CTNNA3: variants seen among roughly 807,000 people sequenced by gnomAD.
The protein encoded by CTNNA3 is catenin alpha-3.
Under a neutral mutation model 95.7 loss-of-function variants are expected in CTNNA3, and 76 were observed. That is an observed-to-expected ratio of 0.79 (90% CI 0.66 to 0.96). The LOEUF is 0.96. Ranked by LOEUF, CTNNA3 falls within the 40% of genes least tolerant of loss-of-function variation. The probability of loss-of-function intolerance (pLI) is 0.00; values close to 1 mark genes in which losing one functional copy is unlikely to be tolerated. For synonymous variants in CTNNA3, 431 were observed against 374.4 expected (o/e 1.15, Z -1.74); for missense variants, 1,191 against 1,089.8 (o/e 1.09, Z -1.31).
At chr10:67,124,517 T>C (rs546069675) in intron 7 of CTNNA3, among the ~76,000 whole-genome samples, 4 of 152,288 alleles carry the variant, frequency 2.6e-5, no homozygotes, top group Admixed American at 6.5e-5. Context: ...TCACTTGTCA[T>C]GGGTGCATAA....
At chr10:65,980,846 G>A (rs982809913) in intron 16 of CTNNA3, among the ~76,000 whole-genome samples, 2 of 151,818 alleles carry the variant, frequency 1.3e-5, no homozygotes, top group Non-Finnish European at 2.9e-5. Flanking sequence ...CATACCTTAA[G>A]GTAATAAAAG....
At chr10:66,270,224 TG>T (rs201185571) in intron 13 of CTNNA3, among the ~76,000 whole-genome samples, 15,959 of 95,664 alleles carry the variant, frequency 0.17, 968 homozygotes, top group Admixed American at 0.23. Context: ...TAACATTTTT[TG>T]GGGGGGGGGG....
At chr10:66,574,841 T>A (rs1353139058) in intron 10 of CTNNA3, among the ~76,000 whole-genome samples, 1 of 152,138 alleles carries the variant, frequency 6.6e-6, no homozygotes, top group Non-Finnish European at 1.5e-5. Context: ...GGATTCTTAG[T>A]CTACATTCCA....
At chr10:66,781,089 C>G (rs576151091) in intron 7 of CTNNA3, among the ~76,000 whole-genome samples, 1 of 136,426 alleles carries the variant, frequency 7.3e-6, no homozygotes, top group South Asian at 2.1e-4. Flanking sequence ...AATTATGAAG[C>G]CTCAAACACT....
intron 5 of CTNNA3, among the ~76,000 whole-genome samples, chr10:67,417,215 C>G (rs1252620191): frequency 6.6e-6 from 1 of 152,050 alleles, no homozygotes; most frequent in Non-Finnish European, 1.5e-5. Flanking sequence ...CCAAATACCA[C>G]GTTTGCACTT....
At chr10:67,472,529 A>G (rs1269477476) in intron 5 of CTNNA3, among the ~76,000 whole-genome samples, 5 of 152,152 alleles carry the variant, frequency 3.3e-5, no homozygotes, top group African/African-American at 1.2e-4. Flanking sequence ...GCCATGACAA[A>G]TGTCATGGCA....
intron 15 of CTNNA3, among the ~76,000 whole-genome samples, chr10:66,055,144 G>A (rs2080051205): frequency 6.6e-6 from 1 of 152,064 alleles, no homozygotes; most frequent in South Asian, 2.1e-4. Context: ...ATAAATTTAA[G>A]TCAGGTAATG....
chr10:67,241,518 A>G (rs952143450), intron 5 of CTNNA3, among the ~76,000 whole-genome samples: 1 of 152,202 alleles, frequency 6.6e-6, no homozygotes, highest in African/African-American at 2.4e-5. Flanking sequence ...TCAAAAATCA[A>G]TAAATATTTT....
chr10:67,090,756 G>A (rs1014734476), intron 7 of CTNNA3, among the ~76,000 whole-genome samples: 5 of 151,952 alleles, frequency 3.3e-5, no homozygotes, highest in Non-Finnish European at 7.4e-5. Context: ...ACTGACAGAC[G>A]CAACAAATGC....
intron 11 of CTNNA3, among the ~76,000 whole-genome samples, chr10:66,451,386 G>A (rs2093463727): frequency 6.6e-6 from 1 of 152,066 alleles, no homozygotes. Context: ...GGGATACAGA[G>A]ATTGAGACAG....
At chr10:67,375,127 A>G in intron 5 of CTNNA3, among the ~76,000 whole-genome samples, 1 of 152,230 alleles carries the variant, frequency 6.6e-6, no homozygotes, top group Non-Finnish European at 1.5e-5. Context: ...TTGTGAGAAG[A>G]GCACAGAGAC....
chr10:67,371,347 T>A (rs1843451668), intron 5 of CTNNA3, among the ~76,000 whole-genome samples: 1 of 151,750 alleles, frequency 6.6e-6, no homozygotes, highest in African/African-American at 2.4e-5. Flanking sequence ...GTCATTTACA[T>A]TAGGTATATC....
chr10:67,566,039 G>GTTTATATATATATATA (rs1437054675), intron 3 of CTNNA3, among the ~76,000 whole-genome samples: 1 of 19,882 alleles, frequency 5.0e-5, no homozygotes, highest in Non-Finnish European at 8.1e-5. Context: ...ACATATGTGT[G>GTTTATATATATATATA]TGTGTATATA....
At position 66,493,599 on chromosome 10, in the gene CTNNA3, A is replaced by ATTTTTTTTTTTTTTTTTTTTTTTT. The variant is rs528761424; in HGVS notation, c.1531+27017_1531+27018insAAAAAAAAAAAAAAAAAAAAAAAA. Among the ~76,000 whole-genome samples the ATTTTTTTTTTTTTTTTTTTTTTTT allele has an allele frequency of 2.7e-5, 3 of 112,020 alleles. 1 individual carries two copies. The highest frequency in any genetic ancestry group is 7.5e-5 in the African/African-American group (2 of 26,630). The allele number at this position is 112,020 out of a possible 152,430, so 73.5% of individuals were successfully genotyped here. A position where few individuals can be genotyped will look rare whatever the true frequency, so the allele number is the denominator to read the frequency against. ...GGGTTGGCTAACATTTAACTACAGT[A>ATTTTTTTTTTTTTTTTTTTTTTTT]TTTTTTTTTTTTTTTTTTTTGAGAC... On this transcript the variant is annotated intron_variant, in intron 11 of 17. Coordinates refer to ENST00000433211, the MANE Select transcript of CTNNA3 (RefSeq NM_013266.4).
At chr10:67,303,954 T>C (rs1840432213) in intron 5 of CTNNA3, among the ~76,000 whole-genome samples, 1 of 152,202 alleles carries the variant, frequency 6.6e-6, no homozygotes, top group African/African-American at 2.4e-5. Flanking sequence ...AATTCCTTTC[T>C]CTTTTATAAG....
intron 5 of CTNNA3, among the ~76,000 whole-genome samples, chr10:67,415,231 T>C (rs567121214): frequency 6.6e-6 from 1 of 152,278 alleles, no homozygotes; most frequent in South Asian, 2.1e-4. Flanking sequence ...TCACTGACGA[T>C]ATGATTTTGT....
intron 12 of CTNNA3, among the ~76,000 whole-genome samples, chr10:66,367,855 TAATAATA>T (rs1564902918): frequency 1.6e-4 from 9 of 56,118 alleles, no homozygotes; most frequent in South Asian, 1.3e-3. Flanking sequence ...TCTTTTATAA[TAATAATA>T]ATAATAATAA....
At position 65,914,242 on chromosome 10, in the gene CTNNA3, G is replaced by T. The variant is rs1278984234; in HGVS notation, c.*6088C>A. On this transcript the variant is annotated 3_prime_UTR_variant, in exon 18 of 18. Transcript: ENST00000433211. Reference sequence around the variant, plus strand: ...TCCTTGAGGGCTTTCCTTTCCTACAGTTGGGAATAGGCACCATCATGACTA... The same window carrying T: ...TCCTTGAGGGCTTTCCTTTCCTACATTTGGGAATAGGCACCATCATGACTA... 6.6e-6 allele frequency: 1 copy of T among 152,086 alleles called. No homozygotes were observed. The highest frequency in any genetic ancestry group is 2.4e-5 in the African/African-American group (1 of 41,424). 9.4% of individuals were successfully genotyped at this position (152,086 alleles called of 1,614,324 possible).
At chr10:67,615,796 G>A (rs1044005722) in intron 2 of CTNNA3, among the ~76,000 whole-genome samples, 2 of 151,306 alleles carry the variant, frequency 1.3e-5, no homozygotes, top group African/African-American at 2.4e-5. Context: ...CCAAGTAGCT[G>A]GCATTACAGG....
Sources: allele counts gnomAD v4.1 joint callset (sites outside exome capture counted in the v4.1 genomes callset), GRCh38; gene constraint gnomAD v4.1.1; transcripts MANE v1.5; gene names NCBI Gene and HGNC (gene_info 2026-07-23, HGNC 2026-07-21).